Variants in IL6ST observed in about 807,000 individuals in gnomAD.
IL6ST encodes the protein interleukin-6 receptor subunit beta.
Under a neutral mutation model 91.3 loss-of-function variants are expected in IL6ST, and 24 were observed. The observed-to-expected ratio is 0.26, with a 90% confidence interval of 0.19 to 0.37. The LOEUF (loss-of-function observed/expected upper bound fraction) is 0.37. Among genes scored for constraint, IL6ST ranks in the 10% least tolerant of loss-of-function variants. The probability of loss-of-function intolerance (pLI) is 1.00; values close to 1 mark genes in which losing one functional copy is unlikely to be tolerated. For synonymous variants in IL6ST, 351 were observed against 373.6 expected, an observed-to-expected ratio of 0.94 and a Z score of 0.70; for missense variants, 914 against 1,078.5, an observed-to-expected ratio of 0.85 and a Z score of 2.14.
intron 2 of IL6ST, chr5:55,978,180 T>C (rs993671535): frequency 2.6e-5 from 4 of 152,184 alleles, no homozygotes; most frequent in Non-Finnish European, 1.5e-5. Flanking sequence ...ATAACAGTAG[T>C]CAGAGTATCA....
At chr5:55,953,754 T>A (rs551932638) in intron 11 of IL6ST, among the ~76,000 whole-genome samples, 95 of 152,320 alleles carry the variant, frequency 6.2e-4, no homozygotes, top group African/African-American at 2.2e-3. Flanking sequence ...TTTGGGAGTT[T>A]GAGGTAAAAG....
chr5:55,947,700 A>G (rs1751362641), intron 14 of IL6ST, 111 bp from the exon 15 acceptor site: 2 of 636,880 alleles, frequency 3.1e-6, no homozygotes, highest in Non-Finnish European at 5.5e-6. Context: ...TTGAAAAGAT[A>G]AAATACAATC....
At chr5:55,990,993 G>A (rs113142460) in intron 1 of IL6ST, among the ~76,000 whole-genome samples, 4,412 of 150,952 alleles carry the variant, frequency 0.029, 143 homozygotes, top group African/African-American at 0.072. Flanking sequence ...TGCGGTGTTT[G>A]GTTTTCTGTC....
In IL6ST at chr5:55,947,387, C is replaced by T. The variant is rs150129130; in HGVS notation, c.1937+106G>A. 8.3e-4 allele frequency: 579 copies of T among 694,188 alleles called. 6 individuals are homozygous for T. The African/African-American group carries it at 1.0e-2, about 12-fold the overall frequency. The allele number at this position is 694,188 out of a possible 1,614,324, so 43.0% of individuals were successfully genotyped here. A position where few individuals can be genotyped will look rare whatever the true frequency, so the allele number is the denominator to read the frequency against. On this transcript the variant is annotated intron_variant, in intron 15 of 16. Transcript: ENST00000381298. ...GTAGTTATACATCTGTATGTAATTA[C>T]AAAAATTCATCAAACTGTACACTTA...
intron 14 of IL6ST, among the ~76,000 whole-genome samples, chr5:55,949,359 T>TA (rs1398418337): frequency 6.6e-6 from 1 of 151,996 alleles, no homozygotes; most frequent in Non-Finnish European, 1.5e-5. Context: ...CCAGCAGTCT[T>TA]AGTTACTTGG....
chr5:55,994,516 G>A (rs1215204393), intron 1 of IL6ST, among the ~76,000 whole-genome samples: 1 of 152,126 alleles, frequency 6.6e-6, no homozygotes, highest in Non-Finnish European at 1.5e-5. Flanking sequence ...GGCGTTCTGC[G>A]GGGCGGGCGT....
chr5:55,955,947 G>C lies in IL6ST; in HGVS notation c.1267+78C>G, dbSNP rs1333398344. On this transcript the variant is annotated intron_variant, in intron 10 of 16. Coordinates refer to ENST00000381298, the MANE Select transcript of IL6ST (RefSeq NM_002184.4). ...GAGGAGACAGTCTTAGATAACTTGT[G>C]TTTTTTATGGGAGCCCTGTCCATAC... 3.4e-6 allele frequency: 3 copies of C among 880,134 alleles called. No individual in the cohort carries two copies. In the South Asian group the frequency reaches 4.3e-5, roughly 13 times the overall value. The allele number at this position is 880,134 out of a possible 1,614,324, so 54.5% of individuals were successfully genotyped here. A position where few individuals can be genotyped will look rare whatever the true frequency, so the allele number is the denominator to read the frequency against.
chr5:55,981,589 G>A (rs1001044917), intron 2 of IL6ST, among the ~76,000 whole-genome samples: 3 of 152,020 alleles, frequency 2.0e-5, no homozygotes, highest in Non-Finnish European at 4.4e-5. Context: ...GTTGCAGCGA[G>A]CCAAGATCGT....
chr5:55,965,364 A>G (rs2111781359), intron 5 of IL6ST, among the ~76,000 whole-genome samples: 1 of 152,302 alleles, frequency 6.6e-6, no homozygotes, highest in South Asian at 2.1e-4. Flanking sequence ...GACGTCAGGT[A>G]AATATAATTA....
rs139994226 is a variant in IL6ST at position 55,975,489 on chromosome 5, G to A, written c.64+726C>T. Among the ~76,000 whole-genome samples, 642 of 151,994 alleles carry A rather than the reference G, an allele frequency of 4.2e-3. 8 individuals carry two copies. Among genetic ancestry groups the A allele is most frequent in the African/African-American group, 0.015 (627 of 41,410 alleles). On this transcript the variant is annotated intron_variant, in intron 3 of 16. Coordinates refer to ENST00000381298, the MANE Select transcript of IL6ST (RefSeq NM_002184.4). ...AAACCTTTTCTTTATAAATTACCCA[G>A]TCTCAGGTATTTCTTTATAGCAGTG...
At chr5:55,974,201 T>G (rs1753136181) in intron 3 of IL6ST, among the ~76,000 whole-genome samples, 1 of 152,240 alleles carries the variant, frequency 6.6e-6, no homozygotes, top group African/African-American at 2.4e-5. Flanking sequence ...TACGTTTATT[T>G]TTTTCATAAA....
chr5:55,986,469 T>A (rs965002283), intron 1 of IL6ST, among the ~76,000 whole-genome samples: 2 of 152,340 alleles, frequency 1.3e-5, no homozygotes, highest in African/African-American at 4.8e-5. Context: ...TTCTTCATAT[T>A]TAAGTGGCAT....
In IL6ST at chr5:55,936,466, T is replaced by C. The variant is rs1750540113; in HGVS notation, c.*4616A>G. 1 of 219,620 alleles carries C rather than the reference T, an allele frequency of 4.6e-6. No individual in the cohort carries two copies. The highest frequency in any genetic ancestry group is 1.9e-4 in the South Asian group (1 of 5,396). The allele number at this position is 219,620 out of a possible 1,614,324, so 13.6% of individuals were successfully genotyped here. On this transcript the variant is annotated 3_prime_UTR_variant, in exon 17 of 17. Transcript: ENST00000381298. ...AATTTGCCATCTCCATTCTATGTTA[T>C]TAAGACCAAGATAGTGTACTGGTTT... is the stretch of plus-strand genomic sequence containing the variant.
chr5:55,965,519 C>G lies in IL6ST; in HGVS notation c.492-1207G>C, dbSNP rs140691417. On this transcript the variant is annotated intron_variant, in intron 5 of 16. Transcript: ENST00000381298. ...TAAAAAATCTAAAAACTATGACAAA[C>G]CAGTAGTGATGAATTCCTGTAGCAC... 9.4e-4 allele frequency among the ~76,000 whole-genome samples: 143 copies of G among 152,158 alleles called. 1 individual carries two copies. Among genetic ancestry groups the G allele is most frequent in the African/African-American group, 3.2e-3 (133 of 41,514 alleles).
Position 55,964,332 on chromosome 5 carries a change from G to C in IL6ST, c.492-20C>G. 1.3e-6 allele frequency: 2 copies of C among 1,574,234 alleles called. No individual in the cohort carries two copies. The highest frequency in any genetic ancestry group is 1.7e-6 in the Non-Finnish European group (2 of 1,157,258). Reference sequence around the variant, plus strand: ...GTTGCCCTAAATACAAAAAATTGAAGAATCAGTCATTAAAAACACATCTGA... The same window carrying C: ...GTTGCCCTAAATACAAAAAATTGAACAATCAGTCATTAAAAACACATCTGA... On this transcript the variant is annotated intron_variant, in intron 5 of 16. Coordinates refer to ENST00000381298, the MANE Select transcript of IL6ST (RefSeq NM_002184.4).
chr5:55,950,357 T>C (rs1751548512), intron 14 of IL6ST, among the ~76,000 whole-genome samples: 1 of 150,376 alleles, frequency 6.6e-6, no homozygotes, highest in South Asian at 2.1e-4. Flanking sequence ...GCCAACATGG[T>C]GAAACCCCGT....
At chr5:55,982,006 G>A (rs1425772000) in intron 2 of IL6ST, among the ~76,000 whole-genome samples, 1 of 152,116 alleles carries the variant, frequency 6.6e-6, no homozygotes, top group Non-Finnish European at 1.5e-5. Context: ...TAATGTTAGA[G>A]AAACAAAGTT....
intron 2 of IL6ST, among the ~76,000 whole-genome samples, chr5:55,978,839 GT>G (rs2111875599): frequency 9.8e-6 from 1 of 101,680 alleles, no homozygotes; most frequent in Admixed American, 1.0e-4. Context: ...GAATTTTATT[GT>G]TTATAAATTA....
intron 15 of IL6ST, 71 bp downstream of exon 15, chr5:55,947,422 A>C (rs1468998412): frequency 2.4e-6 from 2 of 835,538 alleles, no homozygotes; most frequent in Non-Finnish European, 4.0e-6. Flanking sequence ...AAAATGGATA[A>C]ATTTTATTGC....
Sources: gnomAD v4.1 joint callset for allele counts (sites outside exome capture counted in the v4.1 genomes callset) on GRCh38, gnomAD v4.1.1 for gene constraint, MANE v1.5 for transcripts, NCBI Gene and HGNC (gene_info 2026-07-23, HGNC 2026-07-21) for gene names.